OR51I2: variants seen among roughly 807,000 people sequenced by gnomAD.
The protein encoded by OR51I2 is olfactory receptor 51I2.
In OR51I2, 6 loss-of-function variants were observed where a neutral mutation model predicts 9.3. That is an observed-to-expected ratio of 0.64 (90% CI 0.35 to 1.27). The LOEUF is 1.27. Ranked by LOEUF, OR51I2 falls within the 50% of genes most tolerant of loss-of-function variation. OR51I2 has a pLI of 0.03. For missense variants in OR51I2, 489 were observed against 396.4 expected (o/e 1.23, Z -1.98); for synonymous variants, 179 against 143.1 (o/e 1.25, Z -1.79).
chr11:5,455,354 C>CCAA lies in OR51I2; in HGVS notation c.*927_*928insCAA, dbSNP rs764150367. The CCAA allele has an allele frequency of 6.9e-6, 1 of 145,128 alleles. No individual in the cohort carries two copies. The highest frequency in any genetic ancestry group is 1.5e-5 in the Non-Finnish European group (1 of 66,312). 9.0% of individuals were successfully genotyped at this position (145,128 alleles called of 1,614,324 possible). On this transcript the variant is annotated 3_prime_UTR_variant, in exon 2 of 2. Transcript: ENST00000641930. Reference sequence around the variant, plus strand: ...TAAGTCAGTCTAGGATTTCCAGTTGCAAAAAAAAAAAGCCTAGGATAGACA... The same window carrying CCAA: ...TAAGTCAGTCTAGGATTTCCAGTTGCCAAAAAAAAAAAAAGCCTAGGATAGACA...
In OR51I2 at chr11:5,452,582, G is replaced by A. The variant is rs1299530067; in HGVS notation, c.-230-677G>A. ...GTTTGAATATATTTGCACAACAAGAGCGACTTTACGAGATATGGAGATATG... is the reference window on the plus strand; with the variant it reads ...GTTTGAATATATTTGCACAACAAGAACGACTTTACGAGATATGGAGATATG... On this transcript the variant is annotated intron_variant, in intron 1 of 1. Coordinates refer to ENST00000641930, the MANE Select transcript of OR51I2 (RefSeq NM_001004754.3). 2.2e-4 allele frequency among the ~76,000 whole-genome samples: 21 copies of A among 96,928 alleles called. 1 individual carries two copies. The highest frequency in any genetic ancestry group is 6.7e-5 in the Non-Finnish European group (3 of 45,112). 63.6% of individuals were successfully genotyped at this position (96,928 alleles called of 152,430 possible).
At position 5,454,541 on chromosome 11, in the gene OR51I2, A is replaced by G; in HGVS notation, c.*114A>G. On this transcript the variant is annotated 3_prime_UTR_variant, in exon 2 of 2. Coordinates refer to ENST00000641930, the MANE Select transcript of OR51I2 (RefSeq NM_001004754.3). ...TTGTGTGCTGCGGGAAAAGTAGGCC[A>G]GGAGATGGTGATGCAAAACTTATAA... 1 of 875,858 alleles carries G rather than the reference A, an allele frequency of 1.1e-6. No individual in the cohort carries two copies. The highest frequency in any genetic ancestry group is 1.8e-6 in the Non-Finnish European group (1 of 569,662). 54.3% of individuals were successfully genotyped at this position (875,858 alleles called of 1,614,324 possible).
intron 1 of OR51I2, among the ~76,000 whole-genome samples, chr11:5,450,001 T>C (rs1352432691): frequency 6.6e-6 from 1 of 152,102 alleles, no homozygotes; most frequent in South Asian, 2.1e-4. Context: ...AACAGCACCA[T>C]AGCAAACTCT....
Position 5,453,319 on chromosome 11 carries a change from C to T in OR51I2, c.-170C>T, listed in dbSNP as rs531084603. ...ATAAAATATGAAGAAAAGGAGTTTGCCTGCATCATCTCAAAAGCAGTGATT... is the reference window on the plus strand; with the variant it reads ...ATAAAATATGAAGAAAAGGAGTTTGTCTGCATCATCTCAAAAGCAGTGATT... On this transcript the variant is annotated 5_prime_UTR_variant, in exon 2 of 2. Coordinates refer to ENST00000641930, the MANE Select transcript of OR51I2 (RefSeq NM_001004754.3). The T allele has an allele frequency of 1.2e-4, 53 of 455,728 alleles. 1 individual carries two copies. The highest frequency in any genetic ancestry group is 9.8e-4 in the African/African-American group (49 of 49,922). 28.2% of individuals were successfully genotyped at this position (455,728 alleles called of 1,614,324 possible).
chr11:5,453,656 T>C lies in OR51I2; in HGVS notation c.168T>C (p.His56=), dbSNP rs772350779. ...LQAVRVEPSL[H]EPMYYFLSML... ...CTGTGCGAGTGGAGCCCAGCCTCCA[T>C]GAGCCCATGTACTACTTCCTGTCCA... The change falls in exon 2 of 2, where the codon CAT becomes CAC. Residue 56 remains histidine (H), a synonymous_variant. Transcript: ENST00000641930. The C allele has an allele frequency of 2.5e-6, 4 of 1,613,442 alleles. No homozygotes were observed. The African/African-American group carries it at 4.0e-5, about 16-fold the overall frequency.
In OR51I2 at chr11:5,453,844, G is replaced by A; in HGVS notation, c.356G>A (p.Ser119Asn). ...GAATCAGGTATTCTGCTGGCCATGAGTTTTGACCGCTATGTGGCCATTTGT... is the reference window on the plus strand; with the variant it reads ...GAATCAGGTATTCTGCTGGCCATGAATTTTGACCGCTATGTGGCCATTTGT... The part of the protein sequence containing the change: ...MMESGILLAM[S>N]FDRYVAICDP... Residue 119 changes from serine to asparagine, a missense_variant, in exon 2 of 2, where the codon AGT becomes AAT. Transcript: ENST00000641930. 1 of 1,614,226 alleles carries A rather than the reference G, an allele frequency of 6.2e-7. No homozygotes were observed. The highest frequency in any genetic ancestry group is 1.7e-5 in the Admixed American group (1 of 60,034).
chr11:5,453,646 C>G lies in OR51I2; in HGVS notation c.158C>G (p.Pro53Arg). 6.2e-7 allele frequency: 1 copy of G among 1,613,586 alleles called. No homozygotes were observed. Residue 53 changes from proline (P) to arginine (R), a missense_variant, in exon 2 of 2, where the codon CCC (proline) becomes CGC (arginine). Transcript: ENST00000641930. ...TVILQAVRVE[P>R]SLHEPMYYFL... ...ATCCTGCAGGCTGTGCGAGTGGAGC[C>G]CAGCCTCCATGAGCCCATGTACTAC...
Position 5,453,926 on chromosome 11 carries a change from AG to A in OR51I2, c.440del (p.Gly147ValfsTer38), listed in dbSNP as rs777460852. On this transcript the variant is annotated frameshift_variant, in exon 2 of 2. Transcript: ENST00000641930. LOFTEE classifies it high-confidence loss of function. Reference sequence around the variant, plus strand: ...CTGAAGTCATTGCTGCAATGGGTTTAGGTGCAGCTGCTCGAAGCTTCATCAC... The same window carrying A: ...CTGAAGTCATTGCTGCAATGGGTTTAGTGCAGCTGCTCGAAGCTTCATCAC... ...TTEVIAAMGL[G>X]AAARSFITLF... 1.5e-5 allele frequency: 25 copies of A among 1,614,034 alleles called. No individual in the cohort carries two copies. The highest frequency in any genetic ancestry group is 2.1e-5 in the Non-Finnish European group (25 of 1,180,020).
intron 1 of OR51I2, among the ~76,000 whole-genome samples, 171 bp from the exon 2 acceptor site, chr11:5,453,086 AAC>A (rs772507804): frequency 2.0e-5 from 3 of 152,260 alleles, no homozygotes; most frequent in Non-Finnish European, 4.4e-5. Context: ...TGCTACTGAT[AAC>A]ACAAACTCCT....
chr11:5,451,869 T>C (rs71488566), intron 1 of OR51I2, among the ~76,000 whole-genome samples: 20 of 152,324 alleles, frequency 1.3e-4, no homozygotes, highest in Non-Finnish European at 2.2e-4. Flanking sequence ...AAAAGCCTTC[T>C]AGCCTTCTGT....
chr11:5,451,046 T>C (rs559531821), intron 1 of OR51I2, among the ~76,000 whole-genome samples: 2 of 152,364 alleles, frequency 1.3e-5, no homozygotes, highest in African/African-American at 4.8e-5. Context: ...TCAGTGTCCA[T>C]ATCTGTTAAG....
At position 5,455,700 on chromosome 11, in the gene OR51I2, C is replaced by CT. The variant is rs1850947103; in HGVS notation, c.*1273_*1274insT. On this transcript the variant is annotated 3_prime_UTR_variant, in exon 2 of 2. Transcript: ENST00000641930. ...ATCCAGAAACCACGTAGTAGCAAAG[C>CT]ATATTGTTATCTAGAGGTTTTTTCT... 6.6e-6 allele frequency: 1 copy of CT among 152,052 alleles called. No homozygotes were observed. The highest frequency in any genetic ancestry group is 2.1e-4 in the South Asian group (1 of 4,814). 9.4% of individuals were successfully genotyped at this position (152,052 alleles called of 1,614,324 possible). A position where few individuals can be genotyped will look rare whatever the true frequency, so the allele number is the denominator to read the frequency against.
rs757396021 is a variant in OR51I2 at position 5,453,594 on chromosome 11, G to A, written c.106G>A (p.Ala36Thr). 138 of 1,613,466 alleles carry A rather than the reference G, an allele frequency of 8.6e-5. No individual in the cohort carries two copies. Among genetic ancestry groups the A allele is most frequent in the Admixed American group, 1.5e-4 (9 of 59,960 alleles). ...GTCAGGGCCCCTCTGCGTGATGTAT[G>A]CTGTGGCCCTTGGGGGAAATACAGT... ...WLSGPLCVMY[A>T]VALGGNTVIL... is the part of the protein sequence containing the mutation. Residue 36 changes from alanine to threonine, a missense_variant, in exon 2 of 2, where the codon GCT (alanine) becomes ACT (threonine). Physicochemically the swap from Ala to Thr is moderately conservative, Grantham distance 58. Coordinates refer to ENST00000641930, the MANE Select transcript of OR51I2 (RefSeq NM_001004754.3).
chr11:5,456,174 T>G lies in OR51I2; in HGVS notation c.*1747T>G, dbSNP rs1309520933. 3 of 152,202 alleles carry G rather than the reference T, an allele frequency of 2.0e-5. No homozygotes were observed. Among genetic ancestry groups the G allele is most frequent in the African/African-American group, 7.2e-5 (3 of 41,460 alleles). 9.4% of individuals were successfully genotyped at this position (152,202 alleles called of 1,614,324 possible). ...TCAGAAGCAGCGAGGGATACATTCT[T>G]TTGACCATAGGCCTTACTTAGAAAC... On this transcript the variant is annotated 3_prime_UTR_variant, in exon 2 of 2. Coordinates refer to ENST00000641930, the MANE Select transcript of OR51I2 (RefSeq NM_001004754.3).
chr11:5,450,933 T>TA (rs547963675), intron 1 of OR51I2, among the ~76,000 whole-genome samples: 46 of 146,814 alleles, frequency 3.1e-4, no homozygotes, highest in East Asian at 7.9e-4. Flanking sequence ...GAACTTAAAG[T>TA]AAAAAAAAAA....
chr11:5,455,323 A>G lies in OR51I2; in HGVS notation c.*896A>G, dbSNP rs1349840108. ...ACAAAATGACATGTTAAGAGATGTTAGAAATTAAGTCAGTCTAGGATTTCC... is the reference window on the plus strand; with the variant it reads ...ACAAAATGACATGTTAAGAGATGTTGGAAATTAAGTCAGTCTAGGATTTCC... On this transcript the variant is annotated 3_prime_UTR_variant, in exon 2 of 2. Coordinates refer to ENST00000641930, the MANE Select transcript of OR51I2 (RefSeq NM_001004754.3). The G allele has an allele frequency of 6.7e-6, 1 of 149,336 alleles. No homozygotes were observed. The highest frequency in any genetic ancestry group is 1.5e-5 in the Non-Finnish European group (1 of 67,438). 9.3% of individuals were successfully genotyped at this position (149,336 alleles called of 1,614,324 possible).
rs570954007 is a variant in OR51I2 at position 5,456,243 on chromosome 11, G to A, written c.*1816G>A. The A allele has an allele frequency of 6.6e-6, 1 of 152,190 alleles. No homozygotes were observed. Among genetic ancestry groups the A allele is most frequent in the South Asian group, 2.1e-4 (1 of 4,814 alleles). The allele number at this position is 152,190 out of a possible 1,614,324, so 9.4% of individuals were successfully genotyped here. On this transcript the variant is annotated 3_prime_UTR_variant, in exon 2 of 2. Transcript: ENST00000641930. The stretch of plus-strand genomic sequence containing the variant: ...AAGGGCAAGGAACAAGAAAATATGA[G>A]CCTCCCAAAAAGCCTCTGGCTCCTT...
At position 5,455,057 on chromosome 11, in the gene OR51I2, A is replaced by G. The variant is rs1214111587; in HGVS notation, c.*630A>G. The stretch of plus-strand genomic sequence containing the variant: ...ACAAAGTGAAATCAGCTTAACTATT[A>G]GAACTCACCATAAAATGTATGAACA... On this transcript the variant is annotated 3_prime_UTR_variant, in exon 2 of 2. Transcript: ENST00000641930. 6.6e-6 allele frequency: 1 copy of G among 152,292 alleles called. No homozygotes were observed. The highest frequency in any genetic ancestry group is 2.4e-5 in the African/African-American group (1 of 41,466). The allele number at this position is 152,292 out of a possible 1,614,324, so 9.4% of individuals were successfully genotyped here.
At position 5,453,914 on chromosome 11, in the gene OR51I2, T is replaced by C. The variant is rs1463062751; in HGVS notation, c.426T>C (p.Ala142=). 6.2e-7 allele frequency: 1 copy of C among 1,614,232 alleles called. No individual in the cohort carries two copies. The highest frequency in any genetic ancestry group is 1.1e-5 in the South Asian group (1 of 91,086). Residue 142 remains alanine, a synonymous_variant, in exon 2 of 2, where the codon GCT becomes GCC. Transcript: ENST00000641930. ...YATVLTTEVI[A]AMGLGAAARS... is the part of the protein sequence containing the mutation. ...CTGTGCTCACCACTGAAGTCATTGCTGCAATGGGTTTAGGTGCAGCTGCTC... is the reference window on the plus strand; with the variant it reads ...CTGTGCTCACCACTGAAGTCATTGCCGCAATGGGTTTAGGTGCAGCTGCTC...
Sources: allele counts gnomAD v4.1 joint callset (sites outside exome capture counted in the v4.1 genomes callset), GRCh38; gene constraint gnomAD v4.1.1; transcripts MANE v1.5; gene names NCBI Gene and HGNC (gene_info 2026-07-23, HGNC 2026-07-21).